Variants in WDR37 observed in about 807,000 individuals in gnomAD.
WDR37 encodes the protein WD repeat-containing protein 37.
WDR37 carries 19 observed loss-of-function variants against 62.9 expected under a neutral mutation model. That is an observed-to-expected ratio of 0.30 (90% CI 0.21 to 0.44). The LOEUF (loss-of-function observed/expected upper bound fraction) is 0.44. Ranked by LOEUF, WDR37 falls within the 20% of genes least tolerant of loss-of-function variation. The probability of loss-of-function intolerance (pLI) is 1.00; values close to 1 mark genes in which losing one functional copy is unlikely to be tolerated. For missense variants in WDR37, 474 were observed against 657.6 expected (o/e 0.72, Z 3.05); for synonymous variants, 250 against 260.9 (o/e 0.96, Z 0.40).
At chr10:1,104,526 T>C (rs1242982284) in intron 10 of WDR37, among the ~76,000 whole-genome samples, 1 of 152,234 alleles carries the variant, frequency 6.6e-6, no homozygotes, top group Non-Finnish European at 1.5e-5. Context: ...TTCCCTTTGA[T>C]GAAGTCAAAG....
intron 13 of WDR37, among the ~76,000 whole-genome samples, chr10:1,128,854 G>A (rs1367775359): frequency 6.6e-6 from 1 of 151,498 alleles, no homozygotes; most frequent in Non-Finnish European, 1.5e-5. Flanking sequence ...CTGCTCAGTG[G>A]TCCATGCTCG....
At chr10:1,128,421 A>G (rs1273798098) in intron 13 of WDR37, among the ~76,000 whole-genome samples, 1 of 152,246 alleles carries the variant, frequency 6.6e-6, no homozygotes, top group Non-Finnish European at 1.5e-5. Flanking sequence ...CATATTTTGC[A>G]GTAACTTTTC....
intron 11 of WDR37, among the ~76,000 whole-genome samples, chr10:1,111,991 T>A (rs1835232371): frequency 6.6e-6 from 1 of 151,882 alleles, no homozygotes; most frequent in Non-Finnish European, 1.5e-5. Context: ...AACCTCCACC[T>A]CCTGGGTTCA....
intron 12 of WDR37, 111 bp downstream of exon 12, chr10:1,124,463 G>A: frequency 6.8e-7 from 1 of 1,462,664 alleles, no homozygotes; most frequent in South Asian, 1.2e-5. Flanking sequence ...GGGAACAATG[G>A]TTTAGGCTCC....
intron 1 of WDR37, among the ~76,000 whole-genome samples, chr10:1,063,388 T>C (rs900182087): frequency 6.6e-6 from 1 of 151,680 alleles, no homozygotes; most frequent in African/African-American, 2.4e-5. Context: ...AGCACCACCC[T>C]CACCCTGCTA....
chr10:1,080,462 G>T lies in WDR37; in HGVS notation c.382G>T (p.Ala128Ser). ...LSQKLKTTYK[A>S]STSKIVSSFK... ...CCAGAAACTGAAGACCACTTACAAG[G>T]CTTCCACCAGCAAGGTATGCAGGCC... The change falls in exon 5 of 14, where the codon GCT (alanine) becomes TCT (serine). Residue 128 changes from alanine to serine, a missense_variant. Ala to Ser is a moderately conservative substitution (Grantham distance 99). Transcript: ENST00000263150. 1.2e-6 allele frequency: 2 copies of T among 1,614,182 alleles called. No individual in the cohort carries two copies. Among genetic ancestry groups the T allele is most frequent in the Non-Finnish European group, 1.7e-6 (2 of 1,180,040 alleles).
chr10:1,089,017 G>T (rs188700212), intron 7 of WDR37, among the ~76,000 whole-genome samples: 1 of 152,290 alleles, frequency 6.6e-6, no homozygotes, highest in Admixed American at 6.5e-5. Flanking sequence ...GTTGGTGGCC[G>T]GTGGGTTTCA....
chr10:1,083,846 C>T (rs565143071), intron 5 of WDR37, among the ~76,000 whole-genome samples: 1 of 152,368 alleles, frequency 6.6e-6, no homozygotes, highest in African/African-American at 2.4e-5. Flanking sequence ...CGCCAAGTCT[C>T]GGGCAAACCG....
intron 11 of WDR37, among the ~76,000 whole-genome samples, chr10:1,120,281 C>T (rs1320660674): frequency 6.6e-6 from 1 of 152,216 alleles, no homozygotes; most frequent in Non-Finnish European, 1.5e-5. Flanking sequence ...GGATTTCATG[C>T]AGATAGCTTG....
chr10:1,115,523 C>T (rs891962642), intron 11 of WDR37, among the ~76,000 whole-genome samples: 3 of 152,178 alleles, frequency 2.0e-5, no homozygotes, highest in Non-Finnish European at 4.4e-5. Flanking sequence ...AACAGTTTTC[C>T]TTATGCTTTT....
intron 6 of WDR37, among the ~76,000 whole-genome samples, chr10:1,085,193 T>C (rs1834163004): frequency 6.6e-6 from 1 of 152,112 alleles, no homozygotes; most frequent in Non-Finnish European, 1.5e-5. Flanking sequence ...AGGATGGTCT[T>C]GATCTCCTGA....
At chr10:1,119,110 G>C (rs912211794) in intron 11 of WDR37, among the ~76,000 whole-genome samples, 11 of 152,246 alleles carry the variant, frequency 7.2e-5, no homozygotes, top group Admixed American at 1.3e-4. Flanking sequence ...TGCAAAACAA[G>C]TCAAGAGCAT....
At chr10:1,072,442 G>C in intron 2 of WDR37, 149 bp downstream of exon 2, 2 of 1,114,824 alleles carry the variant, frequency 1.8e-6, no homozygotes, top group Non-Finnish European at 2.5e-6. Context: ...AGCCTACTGA[G>C]TAGCTGGGAT....
chr10:1,099,283 C>G (rs759996295), intron 9 of WDR37, among the ~76,000 whole-genome samples: 1 of 152,146 alleles, frequency 6.6e-6, no homozygotes, highest in Non-Finnish European at 1.5e-5. Flanking sequence ...ACGTGCTCAG[C>G]CCCCCCAGTT....
At chr10:1,086,380 C>A in intron 7 of WDR37, 23 bp downstream of exon 7, 1 of 1,599,044 alleles carries the variant, frequency 6.3e-7, no homozygotes, top group Non-Finnish European at 8.6e-7. Context: ...TAAGGAGTGC[C>A]GTAGCCAGAG....
intron 13 of WDR37, among the ~76,000 whole-genome samples, chr10:1,128,808 C>T (rs1280828639): frequency 7.2e-5 from 11 of 152,020 alleles, no homozygotes; most frequent in Non-Finnish European, 1.0e-4. Flanking sequence ...CTGCCGTGCT[C>T]GGCGGTCCAT....
At chr10:1,085,017 A>C (rs886497144) in intron 6 of WDR37, among the ~76,000 whole-genome samples, 1 of 152,254 alleles carries the variant, frequency 6.6e-6, no homozygotes, top group Non-Finnish European at 1.5e-5. Flanking sequence ...GCTGGAGTGC[A>C]GTGGCGCAAT....
At chr10:1,110,768 C>G (rs1019632989) in intron 11 of WDR37, among the ~76,000 whole-genome samples, 2 of 152,250 alleles carry the variant, frequency 1.3e-5, no homozygotes, top group African/African-American at 4.8e-5. Flanking sequence ...GGGGGCTTCT[C>G]TGCAGTGGCC....
intron 11 of WDR37, among the ~76,000 whole-genome samples, chr10:1,106,676 C>G (rs1386534199): frequency 6.6e-6 from 1 of 152,076 alleles, no homozygotes; most frequent in Non-Finnish European, 1.5e-5. Flanking sequence ...ACCACCATGC[C>G]TGGTTAATTT....
Sources: gnomAD v4.1 joint callset for allele counts (sites outside exome capture counted in the v4.1 genomes callset) on GRCh38, gnomAD v4.1.1 for gene constraint, MANE v1.5 for transcripts, NCBI Gene and HGNC (gene_info 2026-07-23, HGNC 2026-07-21) for gene names.